Variants in LOC400499 observed in about 807,000 individuals in gnomAD.
At chr16:11,510,395 CT>C in the LOC400499 span, among the ~76,000 whole-genome samples, 1 of 151,790 alleles carries the variant, frequency 6.6e-6, no homozygotes, top group Admixed American at 6.5e-5. Context: ...GCCCCAGGGC[CT>C]TTGCACTTCC....
chr16:11,492,600 C>T, the LOC400499 span, among the ~76,000 whole-genome samples: 1 of 151,892 alleles, frequency 6.6e-6, no homozygotes, highest in South Asian at 2.1e-4. Flanking sequence ...CTGGCTAACA[C>T]GGTGAAACCC....
chr16:11,508,825 G>A, the LOC400499 span: 9 of 398,982 alleles, frequency 2.3e-5, no homozygotes, highest in African/African-American at 4.1e-5. Flanking sequence ...GCTGCTTGGG[G>A]TCATGTCTTC....
the LOC400499 span, among the ~76,000 whole-genome samples, chr16:11,373,058 C>A: frequency 6.6e-6 from 1 of 152,314 alleles, no homozygotes; most frequent in East Asian, 1.9e-4. Flanking sequence ...CAGAGAAGAC[C>A]AAGACATAGT....
chr16:11,384,998 G>C, the LOC400499 span: 2 of 1,232,256 alleles, frequency 1.6e-6, no homozygotes, highest in Non-Finnish European at 2.0e-6. Context: ...CTTCCTTGTC[G>C]TGGCAGGATG....
the LOC400499 span, chr16:11,440,808 G>T: frequency 2.0e-5 from 8 of 398,920 alleles, no homozygotes; most frequent in Middle Eastern, 6.2e-4. Context: ...TAAAGATGAT[G>T]CCCCCATCCA....
the LOC400499 span, among the ~76,000 whole-genome samples, chr16:11,501,123 G>A: frequency 6.6e-6 from 1 of 152,114 alleles, no homozygotes; most frequent in South Asian, 2.1e-4. Flanking sequence ...GGACCCCGCA[G>A]TCTGGCTGAG....
At chr16:11,510,221 G>C in the LOC400499 span, among the ~76,000 whole-genome samples, 2 of 151,238 alleles carry the variant, frequency 1.3e-5, no homozygotes, top group Non-Finnish European at 3.0e-5. Flanking sequence ...CTTAGCAAAG[G>C]CGTGTGCCTT....
At chr16:11,473,736 C>G in the LOC400499 span, among the ~76,000 whole-genome samples, 1 of 145,714 alleles carries the variant, frequency 6.9e-6, no homozygotes, top group African/African-American at 2.6e-5. Context: ...GCCTGGGCAA[C>G]GAGAGTGAAA....
the LOC400499 span, among the ~76,000 whole-genome samples, chr16:11,485,419 C>T: frequency 7.9e-5 from 12 of 152,104 alleles, no homozygotes; most frequent in Non-Finnish European, 1.5e-4. Flanking sequence ...GTGTCTTCCT[C>T]GAAAGATCCA....
the LOC400499 span, among the ~76,000 whole-genome samples, chr16:11,376,066 T>A: frequency 1.3e-5 from 2 of 152,090 alleles, no homozygotes; most frequent in Non-Finnish European, 2.9e-5. Context: ...CCGGGTTGGG[T>A]TTTTGTTGTT....
At chr16:11,427,826 G>T in the LOC400499 span, among the ~76,000 whole-genome samples, 36 of 152,300 alleles carry the variant, frequency 2.4e-4, no homozygotes, top group Middle Eastern at 3.4e-3. Flanking sequence ...AGGGAGAATT[G>T]TAAGCACATT....
the LOC400499 span, chr16:11,460,729 C>T: frequency 1.5e-6 from 2 of 1,378,592 alleles, no homozygotes; most frequent in Non-Finnish European, 1.9e-6. Flanking sequence ...TGCTTTGCTC[C>T]ACCTGTCACT....
chr16:11,423,038 G>T, the LOC400499 span: 1 of 397,606 alleles, frequency 2.5e-6, no homozygotes, highest in Admixed American at 4.4e-5. Context: ...TTTGAAGGAG[G>T]GGGACCATGT....
At chr16:11,489,538 C>T in the LOC400499 span, among the ~76,000 whole-genome samples, 133 of 152,316 alleles carry the variant, frequency 8.7e-4, no homozygotes, top group African/African-American at 3.0e-3. Flanking sequence ...GCCCCCAACC[C>T]TCCCCCCATT....
chr16:11,519,093 G>A, the LOC400499 span: 5 of 397,114 alleles, frequency 1.3e-5, no homozygotes, highest in Admixed American at 4.4e-5. Flanking sequence ...TGGGGGCAAG[G>A]CAGAGAGACC....
the LOC400499 span, chr16:11,384,248 G>A: frequency 1.5e-5 from 19 of 1,232,206 alleles, no homozygotes; most frequent in South Asian, 8.2e-5. Flanking sequence ...TCCAGGCTGC[G>A]GGCCATAGAG....
the LOC400499 span, chr16:11,404,975 TAC>T: frequency 1.0e-5 from 4 of 397,486 alleles, no homozygotes; most frequent in African/African-American, 8.2e-5. Flanking sequence ...GTGGATCATT[TAC>T]AGTTTCCTGA....
chr16:11,398,419 C>T, the LOC400499 span: 45 of 1,232,138 alleles, frequency 3.7e-5, no homozygotes, highest in Non-Finnish European at 4.6e-5. Context: ...TGTACTTCTC[C>T]CCAGAAGCTC....
the LOC400499 span, among the ~76,000 whole-genome samples, chr16:11,512,383 ACC>A: frequency 1.3e-5 from 2 of 152,078 alleles, no homozygotes; most frequent in African/African-American, 4.8e-5. Context: ...CAGATCAGAC[ACC>A]TGAGGTCAGG....
Sources: allele counts gnomAD v4.1 joint callset (sites outside exome capture counted in the v4.1 genomes callset), GRCh38; gene constraint gnomAD v4.1.1; transcripts MANE v1.5.